Variants in GAB2 observed in about 807,000 individuals in gnomAD.
The protein encoded by GAB2 is GRB2-associated-binding protein 2.
Under a neutral mutation model 65.5 loss-of-function variants are expected in GAB2, and 26 were observed. That is an observed-to-expected ratio of 0.40 (90% CI 0.29 to 0.55). The LOEUF is 0.55. Ranked by LOEUF, GAB2 falls within the 20% of genes least tolerant of loss-of-function variation. The probability of loss-of-function intolerance (pLI) is 0.53; values close to 1 mark genes in which losing one functional copy is unlikely to be tolerated. For synonymous variants in GAB2, 321 were observed against 329.6 expected (o/e 0.97, Z 0.28); for missense variants, 884 against 875.8 (o/e 1.01, Z -0.12).
chr11:78,289,363 AATGAATC>A (rs1376827726), intron 1 of GAB2, among the ~76,000 whole-genome samples: 2 of 152,218 alleles, frequency 1.3e-5, no homozygotes, highest in African/African-American at 4.8e-5. Context: ...ACTAACTCAG[AATGAATC>A]ATGGACTTAA....
intron 1 of GAB2, among the ~76,000 whole-genome samples, chr11:78,353,589 T>C (rs1408578875): frequency 6.6e-6 from 1 of 152,244 alleles, no homozygotes; most frequent in African/African-American, 2.4e-5. Flanking sequence ...TAGAAATGTT[T>C]ACATCTGTGC....
rs1565168352 is a variant in GAB2 at position 78,346,722 on chromosome 11, A to ATATTT, written c.76-65822_76-65821insAAATA. ...ATATATATATATATATATATATATA[A>ATATTT]TTTTTTTTTTTTTTAGGAAAAGAAA... On this transcript the variant is annotated intron_variant, in intron 1 of 9. Coordinates refer to ENST00000361507, the MANE Select transcript of GAB2 (RefSeq NM_080491.3). Among the ~76,000 whole-genome samples, 27 of 30,782 alleles carry ATATTT rather than the reference A, an allele frequency of 8.8e-4. 1 individual carries two copies. The highest frequency in any genetic ancestry group is 6.6e-3 in the Admixed American group (18 of 2,730). 20.2% of individuals were successfully genotyped at this position (30,782 alleles called of 152,430 possible). A position where few individuals can be genotyped will look rare whatever the true frequency, so the allele number is the denominator to read the frequency against.
chr11:78,261,225 T>G (rs751449986), intron 2 of GAB2, among the ~76,000 whole-genome samples: 1 of 151,926 alleles, frequency 6.6e-6, no homozygotes, highest in East Asian at 1.9e-4. Context: ...GAGGTCGAGG[T>G]TGCAGTAAGC....
chr11:78,375,631 A>G (rs1364133324), intron 1 of GAB2, among the ~76,000 whole-genome samples: 1 of 152,200 alleles, frequency 6.6e-6, no homozygotes, highest in East Asian at 1.9e-4. Context: ...TGAGTTTTAG[A>G]TCCCATTCTA....
chr11:78,298,093 A>G (rs543889920), intron 1 of GAB2, among the ~76,000 whole-genome samples: 2 of 152,216 alleles, frequency 1.3e-5, no homozygotes, highest in Non-Finnish European at 2.9e-5. Context: ...ATTCTGGCCT[A>G]TAATAATTGC....
In GAB2 at chr11:78,250,362, G is replaced by A. The variant is rs201497438; in HGVS notation, c.415C>T (p.Arg139Cys). The A allele has an allele frequency of 3.7e-5, 60 of 1,612,868 alleles. No individual in the cohort carries two copies. Among genetic ancestry groups the A allele is most frequent in the African/African-American group, 5.3e-5 (4 of 74,918 alleles). ...CTGCTGAGCTCAGCTGGAGAAGAGC[G>A]GGGGCCATGACCGGCTGAGGAAACA... is the stretch of plus-strand genomic sequence containing the variant. ...RNVSSAGHGP[R>C]SSPAELSSSS... The change falls in exon 3 of 10, where the codon CGC (arginine) becomes TGC (cysteine). Residue 139 changes from arginine to cysteine, a missense_variant. Physicochemically the swap from Arg to Cys is radical, Grantham distance 180. Transcript: ENST00000361507.
rs200309520 is a variant in GAB2, at chr11:78,280,644, G to A, written c.333C>T (p.Ser111=). 12 of 1,614,062 alleles carry A rather than the reference G, an allele frequency of 7.4e-6. No homozygotes were observed. The African/African-American group carries it at 1.2e-4, about 16-fold the overall frequency. The change falls in exon 2 of 10, where the codon AGC becomes AGT. Residue 111 remains serine (S), a synonymous_variant. Coordinates refer to ENST00000361507, the MANE Select transcript of GAB2 (RefSeq NM_080491.3). ...GATTGAAGCCACAGATCTGGCAGAT[G>A]CTCTGGACCCACTTATTCATGTCCT... is the stretch of plus-strand genomic sequence containing the variant. The part of the protein sequence containing the change: ...TEEDMNKWVQ[S]ICQICGFNQA...
At chr11:78,278,222 A>AC (rs992417329) in intron 2 of GAB2, among the ~76,000 whole-genome samples, 3 of 150,974 alleles carry the variant, frequency 2.0e-5, no homozygotes, top group Admixed American at 6.6e-5. Context: ...GGCGCCCACC[A>AC]CCATGCCTGG....
intron 1 of GAB2, among the ~76,000 whole-genome samples, chr11:78,398,150 T>C (rs910135120): frequency 2.6e-5 from 4 of 152,230 alleles, no homozygotes; most frequent in African/African-American, 7.2e-5. Context: ...CACTTTCCCC[T>C]GCTCTTGCAA....
intron 1 of GAB2, among the ~76,000 whole-genome samples, chr11:78,284,473 C>CCT (rs1036535587): frequency 4.4e-4 from 67 of 152,360 alleles, no homozygotes; most frequent in African/African-American, 1.4e-3. Flanking sequence ...CCACCCCTCA[C>CCT]CTCAGCTCCT....
chr11:78,319,882 T>C (rs566316912), intron 1 of GAB2, among the ~76,000 whole-genome samples: 1 of 152,112 alleles, frequency 6.6e-6, no homozygotes, highest in East Asian at 1.9e-4. Flanking sequence ...TTTTTTTTTT[T>C]TTTGAGACCG....
chr11:78,233,504 T>C (rs1477684638), intron 3 of GAB2, among the ~76,000 whole-genome samples: 3 of 152,240 alleles, frequency 2.0e-5, no homozygotes, highest in Admixed American at 6.5e-5. Context: ...TAAAAAAATA[T>C]TGGATTGCTC....
In GAB2 at chr11:78,241,074, G is replaced by A. The variant is rs895769946; in HGVS notation, c.620+9083C>T. Among the ~76,000 whole-genome samples, 8 of 152,200 alleles carry A rather than the reference G, an allele frequency of 5.3e-5. No homozygotes were observed. In the East Asian group the frequency reaches 1.3e-3, roughly 26 times the overall value. The stretch of plus-strand genomic sequence containing the variant: ...CCCTGACTGAGTCTCCTCATTTGGG[G>A]AAAATGAGAAGAGAAAGACCCAAAA... On this transcript the variant is annotated intron_variant, in intron 3 of 9. Coordinates refer to ENST00000361507, the MANE Select transcript of GAB2 (RefSeq NM_080491.3).
At chr11:78,258,363 C>T (rs1865648712) in intron 2 of GAB2, among the ~76,000 whole-genome samples, 1 of 152,198 alleles carries the variant, frequency 6.6e-6, no homozygotes, top group African/African-American at 2.4e-5. Context: ...CAAAAACCTT[C>T]CTTTGGATCA....
At chr11:78,245,118 CACAG>C (rs1214836779) in intron 3 of GAB2, among the ~76,000 whole-genome samples, 1 of 152,078 alleles carries the variant, frequency 6.6e-6, no homozygotes, top group Non-Finnish European at 1.5e-5. Flanking sequence ...GTCAGACTCA[CACAG>C]ACAGAAAGTA....
intron 1 of GAB2, among the ~76,000 whole-genome samples, chr11:78,284,288 T>C (rs1013211762): frequency 6.6e-6 from 1 of 152,246 alleles, no homozygotes; most frequent in Non-Finnish European, 1.5e-5. Flanking sequence ...TTTGTAGTCT[T>C]CCTGCTTCCA....
chr11:78,400,871 T>A (rs987420216), intron 1 of GAB2, among the ~76,000 whole-genome samples: 2 of 115,668 alleles, frequency 1.7e-5, no homozygotes, highest in East Asian at 5.6e-4. Flanking sequence ...GCCACTGCAC[T>A]CCAGCCTGAG....
intron 3 of GAB2, among the ~76,000 whole-genome samples, chr11:78,247,041 C>T (rs576170445): frequency 1.3e-5 from 2 of 152,288 alleles, no homozygotes; most frequent in South Asian, 4.2e-4. Flanking sequence ...TCCTTCCAGC[C>T]CCAATGGGGC....
intron 1 of GAB2, among the ~76,000 whole-genome samples, chr11:78,305,712 T>G (rs1005782466): frequency 3.3e-5 from 5 of 152,164 alleles, no homozygotes; most frequent in African/African-American, 1.2e-4. Context: ...AATATTAGAG[T>G]TGAAACATAG....
Sources: allele counts gnomAD v4.1 joint callset (sites outside exome capture counted in the v4.1 genomes callset), GRCh38; gene constraint gnomAD v4.1.1; transcripts MANE v1.5; gene names NCBI Gene and HGNC (gene_info 2026-07-23, HGNC 2026-07-21).